CAMSAP1: variants seen among roughly 807,000 people sequenced by gnomAD.
CAMSAP1 encodes the protein calmodulin-regulated spectrin-associated protein 1.
Under a neutral mutation model 143.5 loss-of-function variants are expected in CAMSAP1, and 58 were observed. The observed-to-expected ratio is 0.40, with a 90% CI of 0.33 to 0.50. The LOEUF is 0.50. CAMSAP1 is among the 20% of genes least tolerant of loss of function. The pLI is 0.45. For synonymous variants in CAMSAP1, 945 were observed against 859.3 expected (o/e 1.10, Z -1.74); for missense variants, 1,969 against 2,115.7 (o/e 0.93, Z 1.36).
Position 135,882,153 on chromosome 9 carries a change from A to C in CAMSAP1, c.424-359T>G, listed in dbSNP as rs79085729. On this transcript the variant is annotated intron_variant, in intron 2 of 16. Coordinates refer to ENST00000389532, the MANE Select transcript of CAMSAP1 (RefSeq NM_015447.4). The surrounding 1 kb of genome is among the most constrained non-coding windows in gnomAD (Gnocchi z 4.9). ...AGGTCGTGGTTGTGGGAAGGCAGAC[A>C]GGAGACCTGCCCCAGGCCAACTGCC... Among the ~76,000 whole-genome samples the C allele has an allele frequency of 0.014, 2,118 of 152,330 alleles. 35 individuals carry two copies. Among genetic ancestry groups the C allele is most frequent in the African/African-American group, 0.045 (1,870 of 41,578 alleles).
At chr9:135,855,987 G>A (rs1047752549) in intron 5 of CAMSAP1, among the ~76,000 whole-genome samples, 5 of 152,092 alleles carry the variant, frequency 3.3e-5, no homozygotes, top group Non-Finnish European at 7.4e-5. Context: ...GGGAGGTGGA[G>A]CTTGCAGTGA....
rs1427914168 is a variant in CAMSAP1 at position 135,907,449 on chromosome 9, AGCGGGCCGGGG to A, written c.-301_-291del. ...GGGCGGGGGCGGGCGCGGGGGCGGG[AGCGGGCCGGGG>A]GCGGTGGCAGCGCGTGCGCGGTCCC... On this transcript the variant is annotated 5_prime_UTR_variant, in exon 1 of 17. Coordinates refer to ENST00000389532, the MANE Select transcript of CAMSAP1 (RefSeq NM_015447.4). Among the ~76,000 whole-genome samples the A allele has an allele frequency of 3.3e-4, 45 of 137,344 alleles. No homozygotes were observed. The highest frequency in any genetic ancestry group is 1.2e-3 in the African/African-American group (44 of 37,986). The allele number at this position is 137,344 out of a possible 152,430, so 90.1% of individuals were successfully genotyped here. A position where few individuals can be genotyped will look rare whatever the true frequency, so the allele number is the denominator to read the frequency against.
chr9:135,903,985 T>G (rs1208411643), intron 1 of CAMSAP1, among the ~76,000 whole-genome samples: 2 of 152,186 alleles, frequency 1.3e-5, no homozygotes, highest in East Asian at 3.8e-4. Context: ...CGTAAATCAC[T>G]TCAGCTGAGC....
intron 1 of CAMSAP1, among the ~76,000 whole-genome samples, chr9:135,903,482 A>G (rs140190775): frequency 6.6e-6 from 1 of 152,330 alleles, no homozygotes; most frequent in East Asian, 1.9e-4. Flanking sequence ...CTGCACAGCC[A>G]TATGCCACAA....
chr9:135,874,698 AAG>A (rs1306907441), intron 3 of CAMSAP1, among the ~76,000 whole-genome samples: 2 of 152,342 alleles, frequency 1.3e-5, no homozygotes, highest in African/African-American at 2.4e-5. Flanking sequence ...ATAATTAAAA[AAG>A]AGCATACATA....
chr9:135,841,172 T>G (rs1168524432), intron 7 of CAMSAP1, among the ~76,000 whole-genome samples: 1 of 152,140 alleles, frequency 6.6e-6, no homozygotes, highest in East Asian at 1.9e-4. Context: ...AGGAGGGACG[T>G]CCACCATTAC....
chr9:135,829,850 C>CATAAATAA (rs10625345), intron 7 of CAMSAP1, among the ~76,000 whole-genome samples: 16,694 of 142,576 alleles, frequency 0.12, 1,061 homozygotes, highest in Middle Eastern at 0.14. Flanking sequence ...GAGACTCTGT[C>CATAAATAA]ATAAATAAAT....
chr9:135,856,812 T>C (rs1349782489), intron 5 of CAMSAP1, among the ~76,000 whole-genome samples: 1 of 152,262 alleles, frequency 6.6e-6, no homozygotes, highest in African/African-American at 2.4e-5. Flanking sequence ...CACCTGTTAT[T>C]GCCTCTGAGC....
chr9:135,849,864 T>A, intron 7 of CAMSAP1: 2 of 296,232 alleles, frequency 6.8e-6, no homozygotes, highest in East Asian at 5.9e-5. Context: ...ACATTTTTTT[T>A]TTTTCAGTTT....
In CAMSAP1 at chr9:135,821,282, C is replaced by A; in HGVS notation, c.3379G>T (p.Val1127Leu). 16 of 1,611,068 alleles carry A rather than the reference C, an allele frequency of 9.9e-6. No homozygotes were observed. The highest frequency in any genetic ancestry group is 1.4e-5 in the Non-Finnish European group (16 of 1,179,862). Residue 1127 changes from valine (V) to leucine (L), a missense_variant, in exon 11 of 17, where the codon GTA (valine) becomes TTA (leucine). This residue lies in a region of CAMSAP1 where 1,390 missense variants were observed against 1,420.8 expected (regional missense o/e 0.98). Coordinates refer to ENST00000389532, the MANE Select transcript of CAMSAP1 (RefSeq NM_015447.4). This position sits in a 1 kb window ranked among gnomAD's most constrained non-coding sequence, Gnocchi z 4.6. ...GGTCTCAAGTGCGGGAGCGTCTCTA[C>A]ACTGGGCGTTGGGGTTTTACTTCGG... The part of the protein sequence containing the change: ...SSRSKTPTPS[V>L]ETLPHLRPFP...
chr9:135,824,135 G>T lies in CAMSAP1; in HGVS notation c.1316-101C>A. The T allele has an allele frequency of 9.9e-7, 1 of 1,012,442 alleles. No homozygotes were observed. Among genetic ancestry groups the T allele is most frequent in the Non-Finnish European group, 1.5e-6 (1 of 662,104 alleles). 62.7% of individuals were successfully genotyped at this position (1,012,442 alleles called of 1,614,324 possible). A position where few individuals can be genotyped will look rare whatever the true frequency, so the allele number is the denominator to read the frequency against. ...GTCCAGAAAAATGCCTCTCAAGTCA[G>T]TACACCAGAAGGGCCGCATGGAAAG... On this transcript the variant is annotated intron_variant, in intron 9 of 16. Coordinates refer to ENST00000389532, the MANE Select transcript of CAMSAP1 (RefSeq NM_015447.4). This position sits in a 1 kb window ranked among gnomAD's most constrained non-coding sequence, Gnocchi z 4.1.
chr9:135,853,223 C>T (rs1028246342), intron 5 of CAMSAP1, among the ~76,000 whole-genome samples: 2 of 151,888 alleles, frequency 1.3e-5, no homozygotes, highest in Non-Finnish European at 2.9e-5. Flanking sequence ...CCACTACTCA[C>T]AACCTTACTC....
intron 1 of CAMSAP1, among the ~76,000 whole-genome samples, chr9:135,897,286 G>A (rs1476902692): frequency 1.3e-5 from 2 of 151,930 alleles, no homozygotes; most frequent in African/African-American, 4.8e-5. Context: ...CTGAGTAGCT[G>A]GGACTACAGG....
chr9:135,904,916 G>A (rs963032735), intron 1 of CAMSAP1, among the ~76,000 whole-genome samples: 8 of 151,978 alleles, frequency 5.3e-5, no homozygotes, highest in Non-Finnish European at 1.0e-4. Flanking sequence ...GGTGAGCTGA[G>A]GTCGCGTCAC....
At chr9:135,827,271 G>A (rs905280301) in intron 8 of CAMSAP1, 136 bp downstream of exon 8, 54 of 897,828 alleles carry the variant, frequency 6.0e-5, no homozygotes, top group Non-Finnish European at 7.9e-5. Flanking sequence ...AGAAGGGCAG[G>A]GACAGAAGGA....
chr9:135,887,869 G>A (rs7038245), intron 1 of CAMSAP1, among the ~76,000 whole-genome samples: 21,395 of 152,200 alleles, frequency 0.14, 1,685 homozygotes, highest in Non-Finnish European at 0.17. Flanking sequence ...GTCACTCCTC[G>A]GACTGCTACG....
chr9:135,843,484 G>A (rs527833655), intron 7 of CAMSAP1, among the ~76,000 whole-genome samples: 4 of 151,768 alleles, frequency 2.6e-5, no homozygotes, highest in Non-Finnish European at 5.9e-5. Flanking sequence ...GAAGCAGGGG[G>A]TGCAATCCTA....
Position 135,821,052 on chromosome 9 carries a change from C to T in CAMSAP1, c.3609G>A (p.Ala1203=), listed in dbSNP as rs1449181352. The change falls in exon 11 of 17, where the codon GCG becomes GCA. Residue 1203 remains alanine (A), a synonymous_variant. Coordinates refer to ENST00000389532, the MANE Select transcript of CAMSAP1 (RefSeq NM_015447.4). The surrounding 1 kb of genome is among the most constrained non-coding windows in gnomAD (Gnocchi z 4.6). The stretch of plus-strand genomic sequence containing the variant: ...AGCTGGACCCCACCTCCTTCACACT[C>T]GCATCCAGAACTTCTTTGAGGCTCA... ...EQMSLKEVLD[A]SVKEVGSSSS... The T allele has an allele frequency of 5.6e-6, 9 of 1,613,864 alleles. No individual in the cohort carries two copies. The highest frequency in any genetic ancestry group is 5.3e-5 in the African/African-American group (4 of 74,934).
Position 135,866,751 on chromosome 9 carries a change from G to A in CAMSAP1, c.586-215C>T, listed in dbSNP as rs142255229. Reference sequence around the variant, plus strand: ...TACCACCAGGAAACCACCTGCCCCCGACCCCCACCCCAATGCCAGCGCAGT... The same window carrying A: ...TACCACCAGGAAACCACCTGCCCCCAACCCCCACCCCAATGCCAGCGCAGT... On this transcript the variant is annotated intron_variant, in intron 3 of 16. Transcript: ENST00000389532. Among the ~76,000 whole-genome samples the A allele has an allele frequency of 1.4e-3, 218 of 151,992 alleles. 1 individual carries two copies. The highest frequency in any genetic ancestry group is 4.8e-3 in the African/African-American group (200 of 41,446).
Sources: allele counts gnomAD v4.1 joint callset (sites outside exome capture counted in the v4.1 genomes callset), GRCh38; gene constraint gnomAD v4.1.1; regional missense constraint gnomAD v4.1.1; non-coding constraint Gnocchi (gnomAD v3.1); transcripts MANE v1.5; gene names NCBI Gene and HGNC (gene_info 2026-07-23, HGNC 2026-07-21).